Variants in CIITA observed in about 807,000 individuals in gnomAD.
The protein encoded by CIITA is class II major histocompatibility complex transactivator.
CIITA carries 72 observed loss-of-function variants against 115.1 expected under a neutral mutation model. That is an observed-to-expected ratio of 0.63 (90% CI 0.52 to 0.76). The LOEUF is 0.76. CIITA is among the 30% of genes least tolerant of loss of function. The pLI, the probability that CIITA is intolerant of heterozygous loss-of-function variation, is 0.00. For synonymous variants in CIITA, 763 were observed against 635.6 expected (o/e 1.20, Z -3.02); for missense variants, 1,617 against 1,463.8 (o/e 1.10, Z -1.71).
intron 16 of CIITA, 109 bp from the exon 17 acceptor site, chr16:10,922,058 C>G: frequency 1.0e-6 from 1 of 977,306 alleles, no homozygotes; most frequent in Non-Finnish European, 1.7e-6. Flanking sequence ...GATTCCTTCC[C>G]CCAGGGATAG....
rs201209015 is a variant in CIITA, at chr16:10,903,721, C to A, written c.773-10C>A. ...GGTTATTCTCACACCACTCTCCACC[C>A]CCAATGTAGGTGAGGTGCCCCAGGC... is the stretch of plus-strand genomic sequence containing the variant. On this transcript the variant is annotated splice_polypyrimidine_tract_variant and intron_variant, in intron 8 of 19. Coordinates refer to ENST00000324288, the MANE Select transcript of CIITA (RefSeq NM_000246.4). 4.3e-6 allele frequency: 7 copies of A among 1,614,036 alleles called. No individual in the cohort carries two copies. The highest frequency in any genetic ancestry group is 2.2e-5 in the East Asian group (1 of 44,882).
intron 5 of CIITA, among the ~76,000 whole-genome samples, chr16:10,900,210 T>A (rs79124474): frequency 0.021 from 3,215 of 152,318 alleles, 89 homozygotes; most frequent in East Asian, 0.13. Flanking sequence ...TTGTCAGAAA[T>A]AAAGCGAGCT....
chr16:10,898,610 C>T, intron 3 of CIITA, 60 bp from the exon 4 acceptor site: 3 of 1,530,128 alleles, frequency 2.0e-6, no homozygotes, highest in South Asian at 2.3e-5. Context: ...CAAGGCCTGG[C>T]ACACAGTGGG....
chr16:10,909,349 C>T (rs74007580), intron 12 of CIITA, among the ~76,000 whole-genome samples, 162 bp downstream of exon 12: 3,848 of 152,356 alleles, frequency 0.025, 145 homozygotes, highest in African/African-American at 0.088. Context: ...TCACTGCACT[C>T]GCTGCCCAGG....
At chr16:10,876,369 CA>C (rs2035845094), upstream of CIITA, among the ~76,000 whole-genome samples, 1 of 152,068 alleles carries the variant, frequency 6.6e-6, no homozygotes, top group South Asian at 2.1e-4. Context: ...GAAAAAATGG[CA>C]AAAACAGGAG....
At chr16:10,902,993 TCTGGGTGCATGACCA>T (rs1282178665) in intron 8 of CIITA, among the ~76,000 whole-genome samples, 192 bp downstream of exon 8, 1 of 152,228 alleles carries the variant, frequency 6.6e-6, no homozygotes, top group Admixed American at 6.5e-5. Flanking sequence ...CCTGAGGTGG[TCTGGGTGCATGACCA>T]AGAGTGGTTG....
Position 10,923,222 on chromosome 16 carries a change from T to C in CIITA, c.3318-6T>C. ...ACCTGGCTCTGAGTCCCATCCCCCC[T>C]TGCAGGATGTGGACGCCCACCATCC... On this transcript the variant is annotated splice_polypyrimidine_tract_variant and splice_region_variant and intron_variant, in intron 18 of 19. Transcript: ENST00000324288. The surrounding 1 kb of genome is among the most constrained non-coding windows in gnomAD (Gnocchi z 5.2). 1 of 1,612,580 alleles carries C rather than the reference T, an allele frequency of 6.2e-7. No individual in the cohort carries two copies.
rs750616786 is a variant in CIITA, at chr16:10,902,710, C to A, written c.681C>A (p.Ile227=). The change falls in exon 8 of 20, where the codon ATC becomes ATA. Residue 227 remains isoleucine (I), a synonymous_variant. Transcript: ENST00000324288. ...GCCTGAATCTCCCTGAGGGACCCAT[C>A]CAGTTTGTCCCCACCATCTCCACTC... is the stretch of plus-strand genomic sequence containing the variant. ...LSCLNLPEGP[I]QFVPTISTLP... is the part of the protein sequence containing the mutation. The A allele has an allele frequency of 7.7e-5, 124 of 1,614,108 alleles. No individual in the cohort carries two copies. The highest frequency in any genetic ancestry group is 1.0e-4 in the Non-Finnish European group (122 of 1,180,024).
In CIITA at chr16:10,927,933, T is replaced by G; in HGVS notation, c.*4078T>G. ...CAGGGCATGATAGTGCAATTCCATG[T>G]CCAGTGGATTGTAAGTCCACGCACC... On this transcript the variant is annotated 3_prime_UTR_variant, in exon 20 of 20. Transcript: ENST00000324288. 1 of 152,336 alleles carries G rather than the reference T, an allele frequency of 6.6e-6. No individual in the cohort carries two copies. The highest frequency in any genetic ancestry group is 1.5e-5 in the Non-Finnish European group (1 of 68,038). 9.4% of individuals were successfully genotyped at this position (152,336 alleles called of 1,614,324 possible). A position where few individuals can be genotyped will look rare whatever the true frequency, so the allele number is the denominator to read the frequency against.
chr16:10,901,944 G>A lies in CIITA; in HGVS notation c.482-94G>A. On this transcript the variant is annotated intron_variant, in intron 6 of 19. Transcript: ENST00000324288. This position sits in a 1 kb window ranked among gnomAD's most constrained non-coding sequence, Gnocchi z 6.8. ...TGAGAAGATGACAAGCATTTCCTCT[G>A]TCAGGAGAGACATCCATGCCACTCC... 1.3e-6 allele frequency: 2 copies of A among 1,520,958 alleles called. No individual in the cohort carries two copies. Among genetic ancestry groups the A allele is most frequent in the Non-Finnish European group, 1.8e-6 (2 of 1,104,154 alleles). The allele number at this position is 1,520,958 out of a possible 1,614,324, so 94.2% of individuals were successfully genotyped here.
At position 10,907,907 on chromosome 16, in the gene CIITA, G is replaced by C; in HGVS notation, c.2415G>C (p.Gln805His). 1 of 1,578,708 alleles carries C rather than the reference G, an allele frequency of 6.3e-7. No homozygotes were observed. Among genetic ancestry groups the C allele is most frequent in the Non-Finnish European group, 8.6e-7 (1 of 1,163,192 alleles). Residue 805 changes from glutamine (Q) to histidine (H), a missense_variant, in exon 11 of 20, where the codon CAG becomes CAC. Transcript: ENST00000324288. This position sits in a 1 kb window ranked among gnomAD's most constrained non-coding sequence, Gnocchi z 5.0. ...AGCCGGGGACACTGCGGGCGCGGCA[G>C]CTGCTGGAGCTGCTGCACTGCGCCC... ...RLQPGTLRAR[Q>H]LLELLHCAHE...
chr16:10,922,559 G>A (rs746901512), intron 18 of CIITA, 69 bp downstream of exon 18: 19 of 1,518,384 alleles, frequency 1.3e-5, no homozygotes, highest in East Asian at 6.8e-5. Flanking sequence ...GTGTGACCCC[G>A]GAGCTCAAAT....
In CIITA at chr16:10,906,142, A is replaced by G. The variant is rs141883274; in HGVS notation, c.1007-357A>G. Among the ~76,000 whole-genome samples, 63 of 152,150 alleles carry G rather than the reference A, an allele frequency of 4.1e-4. 1 individual carries two copies. The East Asian group carries it at 0.011, about 27-fold the overall frequency. ...TGTGAGGTTGAAGCTGTGGTGGACC[A>G]TGATTGTGCCATTGCACGCCAGCCT... On this transcript the variant is annotated intron_variant, in intron 10 of 19. Transcript: ENST00000324288.
At chr16:10,880,043 G>A (rs1033056233) in intron 1 of CIITA, among the ~76,000 whole-genome samples, 2 of 152,212 alleles carry the variant, frequency 1.3e-5, no homozygotes, top group African/African-American at 4.8e-5. Flanking sequence ...TCCGGAGTGA[G>A]ATTAAGGAAA....
chr16:10,875,596 G>A (rs1462337278), upstream of CIITA, among the ~76,000 whole-genome samples: 1 of 152,130 alleles, frequency 6.6e-6, no homozygotes, highest in Non-Finnish European at 1.5e-5. Flanking sequence ...CATCATTTTT[G>A]TGTTTTCCAC....
chr16:10,942,199 G>A lies in CIITA; in HGVS notation n.1325G>A, dbSNP rs2041111592. On this transcript the variant is annotated non_coding_transcript_exon_variant, in exon 2 of 2. Transcript: ENST00000573379. The surrounding 1 kb of genome is among the most constrained non-coding windows in gnomAD (Gnocchi z 5.0). ...TGCGCCGGGCGGGTCACCGCACCCCGAGATGTGCCCCCAAGGATCTCTCGA... is the reference window on the plus strand; with the variant it reads ...TGCGCCGGGCGGGTCACCGCACCCCAAGATGTGCCCCCAAGGATCTCTCGA... 6.9e-6 allele frequency: 3 copies of A among 437,450 alleles called. No individual in the cohort carries two copies. Among genetic ancestry groups the A allele is most frequent in the Non-Finnish European group, 1.2e-5 (3 of 257,718 alleles). The allele number at this position is 437,450 out of a possible 1,614,324, so 27.1% of individuals were successfully genotyped here.
rs778941731 is a variant in CIITA at position 10,903,726 on chromosome 16, T to C, written c.773-5T>C. On this transcript the variant is annotated splice_region_variant and splice_polypyrimidine_tract_variant and intron_variant, in intron 8 of 19. Coordinates refer to ENST00000324288, the MANE Select transcript of CIITA (RefSeq NM_000246.4). ...TTCTCACACCACTCTCCACCCCCAA[T>C]GTAGGTGAGGTGCCCCAGGCCAGCC... 8.7e-6 allele frequency: 14 copies of C among 1,613,962 alleles called. No individual in the cohort carries two copies. The African/African-American group carries it at 1.1e-4, about 12-fold the overall frequency.
chr16:10,907,036 G>T lies in CIITA; in HGVS notation c.1544G>T (p.Cys515Phe). 1 of 1,607,968 alleles carries T rather than the reference G, an allele frequency of 6.2e-7. No homozygotes were observed. The highest frequency in any genetic ancestry group is 8.5e-7 in the Non-Finnish European group (1 of 1,179,968). Residue 515 changes from cysteine (C) to phenylalanine (F), a missense_variant, in exon 11 of 20, where the codon TGC becomes TTC. Transcript: ENST00000324288. This position sits in a 1 kb window ranked among gnomAD's most constrained non-coding sequence, Gnocchi z 5.0. ...EAQDGFLHSTCGPAPAEPCSL... is the reference protein window; with the variant it reads ...EAQDGFLHSTFGPAPAEPCSL... ...CAAGATGGCTTCCTGCACAGCACGT[G>T]CGGACCGGCACCGGCGGAGCCCTGC...
At position 10,898,652 on chromosome 16, in the gene CIITA, T is replaced by A; in HGVS notation, c.296-18T>A. ...GTTAGACCTTGTTGATTGACTGCGCTTTTCCTTGTCTGGGCAGCGGAACTG... is the reference window on the plus strand; with the variant it reads ...GTTAGACCTTGTTGATTGACTGCGCATTTCCTTGTCTGGGCAGCGGAACTG... On this transcript the variant is annotated intron_variant, in intron 3 of 19. Coordinates refer to ENST00000324288, the MANE Select transcript of CIITA (RefSeq NM_000246.4). The A allele has an allele frequency of 1.9e-6, 3 of 1,602,934 alleles. No homozygotes were observed. The highest frequency in any genetic ancestry group is 2.6e-6 in the Non-Finnish European group (3 of 1,174,972).
Sources: gnomAD v4.1 joint callset for allele counts (sites outside exome capture counted in the v4.1 genomes callset) on GRCh38, gnomAD v4.1.1 for gene constraint, Gnocchi (gnomAD v3.1) non-coding constraint, MANE v1.5 for transcripts, NCBI Gene and HGNC (gene_info 2026-07-23, HGNC 2026-07-21) for gene names.